TNKS1BP1: variants seen among roughly 807,000 people sequenced by gnomAD.
The protein encoded by TNKS1BP1 is CCR4-NOT transcription complex subunit 12.
In TNKS1BP1, 48 loss-of-function variants were observed where a neutral mutation model predicts 141.1. That is an observed-to-expected ratio of 0.34 (90% CI 0.27 to 0.43). The LOEUF (loss-of-function observed/expected upper bound fraction) is 0.43. TNKS1BP1 is among the 20% of genes least tolerant of loss of function. The pLI, the probability that TNKS1BP1 is intolerant of heterozygous loss-of-function variation, is 1.00. For synonymous variants in TNKS1BP1, 875 were observed against 898.2 expected, an observed-to-expected ratio of 0.97 and a Z score of 0.46; for missense variants, 2,149 against 2,226.0, an observed-to-expected ratio of 0.97 and a Z score of 0.70.
At position 57,302,908 on chromosome 11, in the gene TNKS1BP1, C is replaced by T; in HGVS notation, c.4317-83G>A. ...AAGCCTACTTCACAAGCTCCTTCCCCCAGCCCCCAAACTCTCCCTTGCCCT... is the reference window on the plus strand; with the variant it reads ...AAGCCTACTTCACAAGCTCCTTCCCTCAGCCCCCAAACTCTCCCTTGCCCT... On this transcript the variant is annotated intron_variant, in intron 6 of 11. Coordinates refer to ENST00000358252, the MANE Select transcript of TNKS1BP1 (RefSeq NM_033396.3). This position sits in a 1 kb window ranked among gnomAD's most constrained non-coding sequence, Gnocchi z 5.5. The T allele has an allele frequency of 7.1e-7, 1 of 1,412,258 alleles. No homozygotes were observed. Among genetic ancestry groups the T allele is most frequent in the South Asian group, 1.6e-5 (1 of 63,204 alleles). 87.5% of individuals were successfully genotyped at this position (1,412,258 alleles called of 1,614,324 possible).
In TNKS1BP1 at chr11:57,309,601, T is replaced by C. The variant is rs912143044; in HGVS notation, c.3110A>G (p.Asp1037Gly). ...CTGGTCTCTCTGCCCGAGTGCCCCA[T>C]CCGGCACGTGGGCAGTGCTAGGACT... ...LFSPSTAHVP[D>G]GALGQRDQSS... Residue 1037 changes from aspartate (D) to glycine (G), a missense_variant, in exon 6 of 12, where the codon GAT (aspartate) becomes GGT (glycine). Asp to Gly is a moderately conservative substitution (Grantham distance 94). Transcript: ENST00000358252. This position sits in a 1 kb window ranked among gnomAD's most constrained non-coding sequence, Gnocchi z 4.3. 6.2e-7 allele frequency: 1 copy of C among 1,613,830 alleles called. No homozygotes were observed. The highest frequency in any genetic ancestry group is 8.5e-7 in the Non-Finnish European group (1 of 1,180,022).
Position 57,310,029 on chromosome 11 carries a change from C to T in TNKS1BP1, c.2682G>A (p.Leu894=). ...TGGCATCTTGGCTGGCATAAGCACC[C>T]AGAGAATCTCTCTTCCCAAATTCCC... The part of the protein sequence containing the change: ...GDWEFGKRDS[L]GAYASQDANE... The change falls in exon 6 of 12, where the codon CTG becomes CTA. Residue 894 remains leucine, a synonymous_variant. Transcript: ENST00000358252. 6.2e-7 allele frequency: 1 copy of T among 1,614,210 alleles called. No individual in the cohort carries two copies. The highest frequency in any genetic ancestry group is 1.3e-5 in the African/African-American group (1 of 75,044).
chr11:57,311,303 C>T (rs1013877668), intron 5 of TNKS1BP1: 44 of 985,804 alleles, frequency 4.5e-5, no homozygotes, highest in East Asian at 2.3e-4. Flanking sequence ...CTCAGCGCAG[C>T]GTTGGCCAGC....
chr11:57,302,803 G>A lies in TNKS1BP1; in HGVS notation c.4339C>T (p.Pro1447Ser). The change falls in exon 7 of 12, where the codon CCC becomes TCC. Residue 1447 changes from proline (P) to serine (S), a missense_variant. Physicochemically the swap from Pro to Ser is moderately conservative, Grantham distance 74. Transcript: ENST00000358252. The surrounding 1 kb of genome is among the most constrained non-coding windows in gnomAD (Gnocchi z 5.5). ...GASPGRCPARPPPSGSQGLLE... is the reference protein window; with the variant it reads ...GASPGRCPARSPPSGSQGLLE... ...AGGCCCTGGGAGCCGGAGGGTGGGG[G>A]GCGGGCCGGGCACCTGCCAGGGCTG... 6.5e-7 allele frequency: 1 copy of A among 1,540,122 alleles called. No individual in the cohort carries two copies. Among genetic ancestry groups the A allele is most frequent in the Non-Finnish European group, 8.7e-7 (1 of 1,146,698 alleles).
At position 57,312,518 on chromosome 11, in the gene TNKS1BP1, C is replaced by A; in HGVS notation, c.2154+16G>T. The A allele has an allele frequency of 6.8e-7, 1 of 1,465,456 alleles. No individual in the cohort carries two copies. Among genetic ancestry groups the A allele is most frequent in the South Asian group, 1.6e-5 (1 of 63,918 alleles). 90.8% of individuals were successfully genotyped at this position (1,465,456 alleles called of 1,614,324 possible). The stretch of plus-strand genomic sequence containing the variant: ...TCTGTCCCCAGAAGTCCCATTCTCC[C>A]TATGCCCATTCTCACCTCAGAGCAG... On this transcript the variant is annotated intron_variant, in intron 5 of 11. Transcript: ENST00000358252.
chr11:57,314,630 C>A (rs534967665), intron 4 of TNKS1BP1, among the ~76,000 whole-genome samples: 2 of 152,278 alleles, frequency 1.3e-5, no homozygotes, highest in South Asian at 4.1e-4. Flanking sequence ...GAAATGTGTG[C>A]ACTGGCCCCT....
chr11:57,307,103 G>A (rs985942239), intron 6 of TNKS1BP1, among the ~76,000 whole-genome samples: 4 of 152,236 alleles, frequency 2.6e-5, no homozygotes, highest in East Asian at 1.9e-4. Flanking sequence ...GAGGTAAGAC[G>A]TGTGGTTAAG....
intron 6 of TNKS1BP1, among the ~76,000 whole-genome samples, chr11:57,307,826 G>A (rs555171492): frequency 6.6e-6 from 1 of 152,220 alleles, no homozygotes; most frequent in Non-Finnish European, 1.5e-5. Flanking sequence ...TTTGCACAGA[G>A]GCCAAGGTCA....
At chr11:57,315,694 T>C (rs1387462197) in intron 4 of TNKS1BP1, among the ~76,000 whole-genome samples, 2 of 149,928 alleles carry the variant, frequency 1.3e-5, no homozygotes, top group Non-Finnish European at 3.0e-5. Context: ...GCTGATGGCC[T>C]TGCTTCCTGT....
Position 57,320,366 on chromosome 11 carries a change from G to T in TNKS1BP1, c.441C>A (p.Ala147=), listed in dbSNP as rs774151777. 6.2e-7 allele frequency: 1 copy of T among 1,614,146 alleles called. No homozygotes were observed. Among genetic ancestry groups the T allele is most frequent in the Non-Finnish European group, 8.5e-7 (1 of 1,180,028 alleles). ...AAPGGVRKAP[A]PFRPASERFA... The stretch of plus-strand genomic sequence containing the variant: ...AGCGCTCTGAGGCTGGGCGGAAAGG[G>T]GCAGGGGCCTTCCGTACACCCCCTG... Residue 147 remains alanine (A), a synonymous_variant, in exon 3 of 12, where the codon GCC becomes GCA. Coordinates refer to ENST00000358252, the MANE Select transcript of TNKS1BP1 (RefSeq NM_033396.3).
In TNKS1BP1 at chr11:57,313,292, C is replaced by A. The variant is rs1440291073; in HGVS notation, c.1396G>T (p.Ala466Ser). 1.9e-6 allele frequency: 3 copies of A among 1,612,852 alleles called. No individual in the cohort carries two copies. Among genetic ancestry groups the A allele is most frequent in the South Asian group, 1.1e-5 (1 of 91,080 alleles). Residue 466 changes from alanine to serine, a missense_variant, in exon 5 of 12, where the codon GCA (alanine) becomes TCA (serine). Transcript: ENST00000358252. ...TGTGATAAGCTCCAGTTGGACTCTG[C>A]CCCAAAGGGACGATCCAGGGCCAAC... The part of the protein sequence containing the change: ...SQLALDRPFG[A>S]ESNWSLSQSF...
chr11:57,322,280 G>A, intron 1 of TNKS1BP1: 5 of 1,027,476 alleles, frequency 4.9e-6, no homozygotes, highest in Non-Finnish European at 5.8e-6. Flanking sequence ...CGCTGGAGGT[G>A]TCTACTCAAA....
rs1349591791 is a variant in TNKS1BP1 at position 57,320,136 on chromosome 11, C to T, written c.671G>A (p.Gly224Glu). Reference sequence around the variant, plus strand: ...GCACTCTGCTGGAGACTTTACTGGCCCCTCCTGGGACCATCCCCTGAAGAG... The same window carrying T: ...GCACTCTGCTGGAGACTTTACTGGCTCCTCCTGGGACCATCCCCTGAAGAG... ...STLFRGWSQEGPVKSPAECRE... is the reference protein window; with the variant it reads ...STLFRGWSQEEPVKSPAECRE... The change falls in exon 3 of 12, where the codon GGG becomes GAG. Residue 224 changes from glycine (G) to glutamate (E), a missense_variant. By Grantham distance (98) the Gly-to-Glu change is moderately conservative. Coordinates refer to ENST00000358252, the MANE Select transcript of TNKS1BP1 (RefSeq NM_033396.3). 1.9e-6 allele frequency: 3 copies of T among 1,614,030 alleles called. No individual in the cohort carries two copies. The highest frequency in any genetic ancestry group is 1.1e-5 in the South Asian group (1 of 91,082).
intron 9 of TNKS1BP1, among the ~76,000 whole-genome samples, 168 bp from the exon 10 acceptor site, chr11:57,301,209 A>G (rs1234970318): frequency 2.6e-5 from 4 of 152,206 alleles, no homozygotes; most frequent in Non-Finnish European, 5.9e-5. Flanking sequence ...CACTTCCCGC[A>G]GAACTGAGCT....
At chr11:57,319,144 C>CAA (rs558416849) in intron 3 of TNKS1BP1, among the ~76,000 whole-genome samples, 14 of 64,196 alleles carry the variant, frequency 2.2e-4, no homozygotes, top group East Asian at 5.9e-4. Context: ...GACTCCGTCT[C>CAA]AAAAAAAAAA....
Position 57,313,060 on chromosome 11 carries a change from A to C in TNKS1BP1, c.1628T>G (p.Val543Gly). ...SAPSGSGSSWVQGDDPSMSLT... is the reference protein window; with the variant it reads ...SAPSGSGSSWGQGDDPSMSLT... ...GGACATGCTTGGATCATCCCCCTGC[A>C]CCCAGGAACTTCCTGACCCACTTGG... is the stretch of plus-strand genomic sequence containing the variant. Residue 543 changes from valine (V) to glycine (G), a missense_variant, in exon 5 of 12, where the codon GTG becomes GGG. Physicochemically the swap from Val to Gly is moderately radical, Grantham distance 109 (BLOSUM62 -3). Coordinates refer to ENST00000358252, the MANE Select transcript of TNKS1BP1 (RefSeq NM_033396.3). The C allele has an allele frequency of 1.2e-6, 2 of 1,613,672 alleles. No individual in the cohort carries two copies. The highest frequency in any genetic ancestry group is 1.7e-6 in the Non-Finnish European group (2 of 1,179,990).
Position 57,321,709 on chromosome 11 carries a change from C to T in TNKS1BP1, c.94+83G>A, listed in dbSNP as rs1263829199. 4.0e-6 allele frequency: 6 copies of T among 1,498,522 alleles called. No homozygotes were observed. In the African/African-American group the frequency reaches 5.6e-5, roughly 14 times the overall value. 92.8% of individuals were successfully genotyped at this position (1,498,522 alleles called of 1,614,324 possible). ...CTCAACAGAATCATCACTCAACCAC[C>T]CCCCAAGACAGAAAGAGGGGGCAGC... On this transcript the variant is annotated intron_variant, in intron 2 of 11. Transcript: ENST00000358252.
At position 57,309,207 on chromosome 11, in the gene TNKS1BP1, C is replaced by G; in HGVS notation, c.3504G>C (p.Arg1168Ser). 1 of 1,614,196 alleles carries G rather than the reference C, an allele frequency of 6.2e-7. No individual in the cohort carries two copies. Among genetic ancestry groups the G allele is most frequent in the Non-Finnish European group, 8.5e-7 (1 of 1,180,042 alleles). Residue 1168 changes from arginine to serine, a missense_variant, in exon 6 of 12, where the codon AGG becomes AGC. Transcript: ENST00000358252. This position sits in a 1 kb window ranked among gnomAD's most constrained non-coding sequence, Gnocchi z 4.3. The stretch of plus-strand genomic sequence containing the variant: ...CCACACAGCTGGACACTTCCAAGTT[C>G]CTGAGACCCAGCTGGTCAGTCCAGT... ...SVDWTDQLGL[R>S]NLEVSSCVGS... is the part of the protein sequence containing the mutation.
At chr11:57,319,018 G>A (rs1418989063) in intron 3 of TNKS1BP1, among the ~76,000 whole-genome samples, 4 of 152,034 alleles carry the variant, frequency 2.6e-5, no homozygotes, top group Non-Finnish European at 4.4e-5. Flanking sequence ...GGTGGCAGGC[G>A]CCTGTAGTCC....
Sources: allele counts gnomAD v4.1 joint callset (sites outside exome capture counted in the v4.1 genomes callset), GRCh38; gene constraint gnomAD v4.1.1; non-coding constraint Gnocchi (gnomAD v3.1); transcripts MANE v1.5; gene names NCBI Gene and HGNC (gene_info 2026-07-23, HGNC 2026-07-21).